SRBD1: variants seen among roughly 807,000 people sequenced by gnomAD.
The protein encoded by SRBD1 is S1 RNA-binding domain-containing protein 1.
Under a neutral mutation model 115.3 loss-of-function variants are expected in SRBD1, and 88 were observed. That is an observed-to-expected ratio of 0.76 (90% confidence interval 0.64 to 0.91). The LOEUF (loss-of-function observed/expected upper bound fraction) is 0.91, where lower values mean the gene tolerates loss of function less well. Ranked by LOEUF, SRBD1 falls within the 40% of genes least tolerant of loss-of-function variation. The probability of loss-of-function intolerance (pLI) is 0.00; values close to 1 mark genes in which losing one functional copy is unlikely to be tolerated. For missense variants in SRBD1, 1,385 were observed against 1,177.4 expected (o/e 1.18, Z -2.58); for synonymous variants, 509 against 407.7 (o/e 1.25, Z -2.99).
intron 19 of SRBD1, among the ~76,000 whole-genome samples, chr2:45,396,002 G>A (rs1254594039): frequency 6.6e-6 from 1 of 152,098 alleles, no homozygotes; most frequent in Non-Finnish European, 1.5e-5. Flanking sequence ...AAAACACACT[G>A]CTTTATGAAG....
intron 16 of SRBD1, among the ~76,000 whole-genome samples, chr2:45,428,293 G>T (rs1668219264): frequency 6.6e-6 from 1 of 152,176 alleles, no homozygotes; most frequent in Non-Finnish European, 1.5e-5. Context: ...ACTCACGCCT[G>T]TAATCCCAGC....
chr2:45,526,512 G>C (rs772660039), intron 14 of SRBD1, among the ~76,000 whole-genome samples: 52 of 151,908 alleles, frequency 3.4e-4, no homozygotes, highest in Non-Finnish European at 6.2e-4. Flanking sequence ...AGGTTTTTGA[G>C]ATGAAAAAGT....
At chr2:45,492,636 T>C (rs1670333634) in intron 14 of SRBD1, among the ~76,000 whole-genome samples, 1 of 152,176 alleles carries the variant, frequency 6.6e-6, no homozygotes, top group Admixed American at 6.5e-5. Context: ...AGACGGGGTT[T>C]CACCATGTTA....
intron 5 of SRBD1, among the ~76,000 whole-genome samples, 155 bp from the exon 6 acceptor site, chr2:45,581,965 A>G (rs1172849336): frequency 1.3e-5 from 2 of 152,216 alleles, no homozygotes; most frequent in African/African-American, 4.8e-5. Flanking sequence ...GCACTCCAAC[A>G]CTTTAGTGTG....
chr2:45,484,565 A>C (rs971859603), intron 15 of SRBD1, among the ~76,000 whole-genome samples: 2 of 152,196 alleles, frequency 1.3e-5, no homozygotes, highest in African/African-American at 4.8e-5. Flanking sequence ...GGGGATGTTA[A>C]TTGTTATTGT....
At chr2:45,487,610 G>C (rs912919434) in intron 15 of SRBD1, among the ~76,000 whole-genome samples, 6 of 151,798 alleles carry the variant, frequency 4.0e-5, no homozygotes, top group African/African-American at 1.2e-4. Flanking sequence ...ATAATATTTT[G>C]TAACAATAAT....
intron 9 of SRBD1, 49 bp downstream of exon 9, chr2:45,573,158 T>C (rs1228811670): frequency 1.3e-6 from 2 of 1,521,318 alleles, no homozygotes; most frequent in Non-Finnish European, 1.8e-6. Flanking sequence ...AAATCCAAAA[T>C]ATTATCATTA....
intron 10 of SRBD1, among the ~76,000 whole-genome samples, chr2:45,561,634 A>G (rs1184751823): frequency 1.3e-5 from 2 of 152,212 alleles, no homozygotes; most frequent in Non-Finnish European, 2.9e-5. Context: ...ACCTCTTTGT[A>G]TCAGTTTTCT....
chr2:45,553,804 G>T, intron 10 of SRBD1, 74 bp from the exon 11 acceptor site: 1 of 923,556 alleles, frequency 1.1e-6, no homozygotes, highest in South Asian at 2.3e-5. Context: ...CCAAAAAGAA[G>T]GGAGATGGAA....
At chr2:45,508,851 T>C (rs1318113148) in intron 14 of SRBD1, among the ~76,000 whole-genome samples, 1 of 152,138 alleles carries the variant, frequency 6.6e-6, no homozygotes, top group Non-Finnish European at 1.5e-5. Context: ...AAGTCATAAG[T>C]CTTCATGAAA....
chr2:45,601,738 C>A (rs1480918076), intron 3 of SRBD1, among the ~76,000 whole-genome samples, 165 bp downstream of exon 3: 1 of 152,220 alleles, frequency 6.6e-6, no homozygotes, highest in African/African-American at 2.4e-5. Flanking sequence ...AGGGAATAGA[C>A]AAAGAAACAC....
intron 10 of SRBD1, among the ~76,000 whole-genome samples, chr2:45,558,731 A>C (rs1014968649): frequency 8.8e-5 from 11 of 125,146 alleles, no homozygotes; most frequent in Admixed American, 6.3e-4. Context: ...CACTCTTGTC[A>C]CCCAGGCTGG....
intron 19 of SRBD1, among the ~76,000 whole-genome samples, chr2:45,398,089 A>G (rs1657976790): frequency 6.6e-6 from 1 of 152,212 alleles, no homozygotes; most frequent in South Asian, 2.1e-4. Context: ...TTTAAATGGC[A>G]TTTCTTAGCA....
chr2:45,609,623 A>G (rs1374886409), intron 1 of SRBD1, among the ~76,000 whole-genome samples: 2 of 152,040 alleles, frequency 1.3e-5, no homozygotes, highest in African/African-American at 4.8e-5. Context: ...TACTTGCTGG[A>G]GCTCCTCAGC....
At chr2:45,420,471 G>T (rs187871317) in intron 16 of SRBD1, among the ~76,000 whole-genome samples, 2 of 152,292 alleles carry the variant, frequency 1.3e-5, no homozygotes, top group Admixed American at 1.3e-4. Context: ...CACTAAGGAA[G>T]AAAATAGTCA....
chr2:45,493,824 A>AT (rs1282144403), intron 14 of SRBD1, among the ~76,000 whole-genome samples: 8 of 151,808 alleles, frequency 5.3e-5, no homozygotes, highest in African/African-American at 1.9e-4. Context: ...AAAAAAAAAA[A>AT]AATAAAATAA....
At chr2:45,493,010 A>G (rs955785043) in intron 14 of SRBD1, among the ~76,000 whole-genome samples, 4 of 152,230 alleles carry the variant, frequency 2.6e-5, no homozygotes, top group East Asian at 1.9e-4. Flanking sequence ...TACCTTTTTA[A>G]TTCTTTACAA....
chr2:45,566,823 T>C (rs1175370375), intron 9 of SRBD1, among the ~76,000 whole-genome samples: 1 of 152,202 alleles, frequency 6.6e-6, no homozygotes, highest in East Asian at 1.9e-4. Context: ...TCTGTAACTA[T>C]ATATTTATGT....
intron 16 of SRBD1, among the ~76,000 whole-genome samples, chr2:45,443,581 G>T (rs1284624097): frequency 6.6e-6 from 1 of 152,048 alleles, no homozygotes; most frequent in African/African-American, 2.4e-5. Context: ...GGAGTTCAGG[G>T]ACGAGATCAA....
Sources: gnomAD v4.1 joint callset for allele counts (sites outside exome capture counted in the v4.1 genomes callset) on GRCh38, gnomAD v4.1.1 for gene constraint, MANE v1.5 for transcripts, NCBI Gene and HGNC (gene_info 2026-07-23, HGNC 2026-07-21) for gene names.